Variants in TBC1D8 observed in about 807,000 individuals in gnomAD.
TBC1D8 encodes the protein TBC1 domain family member 8.
TBC1D8 carries 65 observed loss-of-function variants against 118.8 expected under a neutral mutation model. The observed-to-expected ratio is 0.55, with a 90% confidence interval of 0.45 to 0.67. The LOEUF (loss-of-function observed/expected upper bound fraction) is 0.67. Among genes scored for constraint, TBC1D8 ranks in the 30% least tolerant of loss-of-function variants. The probability of loss-of-function intolerance (pLI) is 0.00; values close to 1 mark genes in which losing one functional copy is unlikely to be tolerated. For synonymous variants in TBC1D8, 566 were observed against 595.8 expected (o/e 0.95, Z 0.73); for missense variants, 1,376 against 1,471.2 (o/e 0.94, Z 1.06).
chr2:101,049,994 T>C (rs1681958215), intron 5 of TBC1D8, among the ~76,000 whole-genome samples: 1 of 151,776 alleles, frequency 6.6e-6, no homozygotes, highest in African/African-American at 2.4e-5. Flanking sequence ...ACCCAGCCAA[T>C]TTTTTTGTAT....
chr2:101,089,045 G>C (rs868739330), intron 2 of TBC1D8, among the ~76,000 whole-genome samples: 1 of 151,988 alleles, frequency 6.6e-6, no homozygotes. Context: ...TTGTATTTTC[G>C]AGGAAAAAGA....
rs540922543 is a variant in TBC1D8, at chr2:101,103,527, G to GA, written c.128-13164dup. ...CTGCTTCAGCCTCCCGAGTAGCTGGGATTACAGGCACCCGCCACCACGCCC... is the reference window on the plus strand; with the variant it reads ...CTGCTTCAGCCTCCCGAGTAGCTGGGAATTACAGGCACCCGCCACCACGCCC... On this transcript the variant is annotated intron_variant, in intron 1 of 19. Coordinates refer to ENST00000409318, the MANE Select transcript of TBC1D8 (RefSeq NM_001330348.2). Among the ~76,000 whole-genome samples, 1,020 of 151,996 alleles carry GA rather than the reference G, an allele frequency of 6.7e-3. 8 individuals carry two copies. Among genetic ancestry groups the GA allele is most frequent in the African/African-American group, 0.023 (963 of 41,434 alleles).
chr2:101,061,919 T>C (rs138552623), intron 2 of TBC1D8, among the ~76,000 whole-genome samples: 148 of 152,346 alleles, frequency 9.7e-4, no homozygotes, highest in Non-Finnish European at 1.5e-3. Flanking sequence ...CATGACTCTC[T>C]TGAAGCTTCC....
intron 17 of TBC1D8, chr2:101,017,998 A>G (rs1441407285): frequency 2.8e-6 from 4 of 1,447,638 alleles, no homozygotes; most frequent in Non-Finnish European, 3.8e-6. Context: ...AATGCTCGCA[A>G]TTCTACTTCA....
chr2:101,045,590 G>A (rs991688629), intron 5 of TBC1D8, among the ~76,000 whole-genome samples: 2 of 152,234 alleles, frequency 1.3e-5, no homozygotes, highest in Non-Finnish European at 2.9e-5. Context: ...AAAGCCTGGA[G>A]CCATGGCTCC....
At chr2:101,142,888 T>C (rs17025300) in intron 1 of TBC1D8, among the ~76,000 whole-genome samples, 23,984 of 152,038 alleles carry the variant, frequency 0.16, 1,961 homozygotes, top group African/African-American at 0.2. Flanking sequence ...CTTATTTTTT[T>C]ACTTACAGGT....
At chr2:101,105,729 G>C (rs1468718275) in intron 1 of TBC1D8, among the ~76,000 whole-genome samples, 2 of 151,974 alleles carry the variant, frequency 1.3e-5, no homozygotes, top group African/African-American at 4.8e-5. Flanking sequence ...TACCAATTGT[G>C]AGGATGTGTA....
chr2:101,105,623 T>TAC (rs1335840132), intron 1 of TBC1D8, among the ~76,000 whole-genome samples: 38 of 149,346 alleles, frequency 2.5e-4, no homozygotes. Flanking sequence ...TATATATATA[T>TAC]AGTTGTCCAA....
At chr2:101,011,797 T>C (rs1679236494) in intron 17 of TBC1D8, among the ~76,000 whole-genome samples, 1 of 152,186 alleles carries the variant, frequency 6.6e-6, no homozygotes, top group Non-Finnish European at 1.5e-5. Context: ...TACACATTCA[T>C]AGAAGGACAC....
intron 2 of TBC1D8, among the ~76,000 whole-genome samples, chr2:101,060,371 A>T (rs1209446727): frequency 1.3e-5 from 2 of 152,206 alleles, no homozygotes; most frequent in Non-Finnish European, 2.9e-5. Context: ...CAACACAACA[A>T]GCAAGGGCCT....
chr2:101,049,988 A>C (rs1285566506), intron 5 of TBC1D8, among the ~76,000 whole-genome samples: 4 of 151,798 alleles, frequency 2.6e-5, no homozygotes, highest in Admixed American at 2.6e-4. Context: ...CACCACACCC[A>C]GCCAATTTTT....
chr2:101,023,640 G>A (rs1026053028), intron 15 of TBC1D8: 1 of 431,740 alleles, frequency 2.3e-6, no homozygotes, highest in South Asian at 1.7e-5. Flanking sequence ...TTTTTAAGGT[G>A]AGTTGAAGTC....
At chr2:101,109,935 A>G (rs1338308054) in intron 1 of TBC1D8, 3 of 985,482 alleles carry the variant, frequency 3.0e-6, no homozygotes, top group Non-Finnish European at 3.6e-6. Context: ...CAAGGGCTGC[A>G]GGGCCGCCAC....
chr2:101,104,277 T>C (rs1239976558), intron 1 of TBC1D8, among the ~76,000 whole-genome samples: 1 of 152,238 alleles, frequency 6.6e-6, no homozygotes, highest in Non-Finnish European at 1.5e-5. Context: ...ACTGTTAAGA[T>C]GTAATTCCTC....
intron 17 of TBC1D8, among the ~76,000 whole-genome samples, chr2:101,020,469 C>G (rs182833247): frequency 2.9e-4 from 44 of 152,276 alleles, no homozygotes; most frequent in Admixed American, 7.2e-4. Flanking sequence ...TGATGCTAAA[C>G]AATTTGCATT....
chr2:101,008,530 G>A (rs192824887), intron 19 of TBC1D8, among the ~76,000 whole-genome samples: 117 of 152,294 alleles, frequency 7.7e-4, no homozygotes, highest in African/African-American at 2.5e-3. Context: ...AGAAACCACA[G>A]CAGGCTGGGC....
chr2:101,150,277 T>C (rs1230910244), intron 1 of TBC1D8, among the ~76,000 whole-genome samples: 1 of 152,118 alleles, frequency 6.6e-6, no homozygotes, highest in Non-Finnish European at 1.5e-5. Context: ...TTCTCCTCAG[T>C]AGAACAGGAA....
At position 101,029,495 on chromosome 2, in the gene TBC1D8, T is replaced by A. The variant is rs1680544438; in HGVS notation, c.2218A>T (p.Ser740Cys). 6.2e-7 allele frequency: 1 copy of A among 1,611,368 alleles called. No individual in the cohort carries two copies. The highest frequency in any genetic ancestry group is 8.5e-7 in the Non-Finnish European group (1 of 1,178,064). ...KDDGQALMIL[S>C]RFLDHIKNED... The stretch of plus-strand genomic sequence containing the variant: ...CAGAGGTGCAGCGGGGCCCACCTGC[T>A]GAGGATCATCAAGGCCTGGCCATCA... The change falls in exon 12 of 20, where the codon AGC becomes TGC. Residue 740 changes from serine to cysteine, a missense_variant. Physicochemically the swap from Ser to Cys is moderately radical, Grantham distance 112. Transcript: ENST00000409318.
rs555039162 is a variant in TBC1D8, at chr2:101,050,439, G to A, written c.834C>T (p.Leu278=). Reference sequence around the variant, plus strand: ...GGCTCGGCTCCTGCAGATCGGGGTCGAGGTCAAAGACCTCATTATCCAGCA... The same window carrying A: ...GGCTCGGCTCCTGCAGATCGGGGTCAAGGTCAAAGACCTCATTATCCAGCA... ...RRLLDNEVFD[L]DPDLQEPSQI... is the part of the protein sequence containing the mutation. Residue 278 remains leucine (L), a synonymous_variant, in exon 5 of 20, where the codon CTC becomes CTT. Transcript: ENST00000409318. 8 of 1,613,728 alleles carry A rather than the reference G, an allele frequency of 5.0e-6. No individual in the cohort carries two copies. The highest frequency in any genetic ancestry group is 4.4e-5 in the South Asian group (4 of 91,058).
Sources: gnomAD v4.1 joint callset for allele counts (sites outside exome capture counted in the v4.1 genomes callset) on GRCh38, gnomAD v4.1.1 for gene constraint, MANE v1.5 for transcripts, NCBI Gene and HGNC (gene_info 2026-07-23, HGNC 2026-07-21) for gene names.